Variants in LRRC36 observed in about 807,000 individuals in gnomAD.
LRRC36 encodes leucine-rich repeat-containing protein 36.
In LRRC36, 62 loss-of-function variants were observed where a neutral mutation model predicts 81.1. The observed-to-expected ratio is 0.76, with a 90% CI of 0.62 to 0.94. The LOEUF is 0.94. Among genes scored for constraint, LRRC36 ranks in the 40% least tolerant of loss-of-function variants. LRRC36 has a pLI of 0.00. For missense variants in LRRC36, 761 were observed against 881.7 expected, an observed-to-expected ratio of 0.86 and a Z score of 1.73; for synonymous variants, 334 against 348.6, an observed-to-expected ratio of 0.96 and a Z score of 0.47.
At position 67,367,289 on chromosome 16, in the gene LRRC36, C is replaced by T; in HGVS notation, c.1027C>T (p.Leu343=). Residue 343 remains leucine (L), a synonymous_variant, in exon 8 of 14, where the codon CTG becomes TTG. Transcript: ENST00000329956. The part of the protein sequence containing the change: ...YDSCYSQTLS[L]HGSLGKRPQR... ...CAGTTGTTATTCTCAAACTCTATCCCTGCATGGAAGTCTTGGTAAAAGGCC... is the reference window on the plus strand; with the variant it reads ...CAGTTGTTATTCTCAAACTCTATCCTTGCATGGAAGTCTTGGTAAAAGGCC... 1.9e-6 allele frequency: 3 copies of T among 1,614,154 alleles called. No individual in the cohort carries two copies. The highest frequency in any genetic ancestry group is 1.7e-6 in the Non-Finnish European group (2 of 1,180,036).
In LRRC36 at chr16:67,367,122, C is replaced by T. The variant is rs888645576; in HGVS notation, c.860C>T (p.Ser287Phe). 6.2e-7 allele frequency: 1 copy of T among 1,614,106 alleles called. No individual in the cohort carries two copies. ...TTGGACAATAAGTCTTCAGGTTCTT[C>T]TCCAGAAAAGGAATTGATACCAAAA... ...SFLDNKSSGS[S>F]PEKELIPKPD... The change falls in exon 8 of 14, where the codon TCT becomes TTT. Residue 287 changes from serine (S) to phenylalanine (F), a missense_variant. This residue lies in a region of LRRC36 where 139 missense variants were observed against 214.0 expected (regional missense o/e 0.65). Transcript: ENST00000329956.
chr16:67,374,861 G>T (rs2039817568), intron 9 of LRRC36, among the ~76,000 whole-genome samples: 1 of 152,020 alleles, frequency 6.6e-6, no homozygotes, highest in South Asian at 2.1e-4. Flanking sequence ...GCCAGGCACA[G>T]TGGCTCACAC....
intron 13 of LRRC36, among the ~76,000 whole-genome samples, chr16:67,383,700 T>G (rs1038578212): frequency 5.9e-5 from 9 of 152,256 alleles, no homozygotes; most frequent in Admixed American, 6.5e-5. Context: ...TAGGGAATTT[T>G]AAAAATAATT....
chr16:67,363,498 G>A, intron 5 of LRRC36, 92 bp from the exon 6 acceptor site: 1 of 1,333,182 alleles, frequency 7.5e-7, no homozygotes. Context: ...ACTCAATCTT[G>A]TGACTTTCCT....
chr16:67,338,224 C>T (rs910963615), intron 1 of LRRC36, among the ~76,000 whole-genome samples: 1 of 151,844 alleles, frequency 6.6e-6, no homozygotes, highest in Non-Finnish European at 1.5e-5. Context: ...ATAACATAGA[C>T]ATTATGTTAA....
intron 5 of LRRC36, among the ~76,000 whole-genome samples, chr16:67,352,739 G>A (rs926424075): frequency 1.4e-4 from 21 of 151,250 alleles, no homozygotes; most frequent in Admixed American, 9.9e-4. Context: ...GTGCAGTGGT[G>A]CAAACTCAGC....
In LRRC36 at chr16:67,376,738, G is replaced by C. The variant is rs2039910677; in HGVS notation, c.1672G>C (p.Asp558His). The change falls in exon 11 of 14, where the codon GAT becomes CAT. Residue 558 changes from aspartate (D) to histidine (H), a missense_variant. Physicochemically the swap from Asp to His is moderately conservative, Grantham distance 81. Transcript: ENST00000329956. ...TGAATTTTTGGCAGGTCCTGCCCGA[G>C]ATTTGCTTCTGTCTTTGGTAGTCCC... ...LNKKFLGPARDLLLSLVVPAP... is the reference protein window; with the variant it reads ...LNKKFLGPARHLLLSLVVPAP... 6.2e-7 allele frequency: 1 copy of C among 1,611,952 alleles called. No homozygotes were observed. The highest frequency in any genetic ancestry group is 8.5e-7 in the Non-Finnish European group (1 of 1,178,294).
rs1395816186 is a variant in LRRC36 at position 67,341,447 on chromosome 16, C to T, written c.71-510C>T. Among the ~76,000 whole-genome samples the T allele has an allele frequency of 3.3e-5, 5 of 151,498 alleles. No homozygotes were observed. In the Admixed American group the frequency reaches 3.3e-4, roughly 10 times the overall value. On this transcript the variant is annotated intron_variant, in intron 1 of 13. Transcript: ENST00000329956. ...ACTGATGCACAAAGAGGTTAAGTGA[C>T]TTGAACAAGGTCGCAGATGTAGTAT...
At chr16:67,334,753 G>A (rs931338163) in intron 1 of LRRC36, among the ~76,000 whole-genome samples, 1 of 151,974 alleles carries the variant, frequency 6.6e-6, no homozygotes, top group Non-Finnish European at 1.5e-5. Flanking sequence ...GATATTTCAC[G>A]TAGGCTCTTT....
At chr16:67,366,553 C>G (rs2039398367) in intron 7 of LRRC36, among the ~76,000 whole-genome samples, 2 of 152,020 alleles carry the variant, frequency 1.3e-5, no homozygotes, top group Admixed American at 1.3e-4. Flanking sequence ...AGTTGGAGAC[C>G]AGCCTGGCCA....
At chr16:67,340,365 G>C (rs1233286136) in intron 1 of LRRC36, among the ~76,000 whole-genome samples, 1 of 151,720 alleles carries the variant, frequency 6.6e-6, no homozygotes, top group Non-Finnish European at 1.5e-5. Flanking sequence ...ACTGTTAATA[G>C]TCTAGTTGAT....
intron 4 of LRRC36, 43 bp from the exon 5 acceptor site, chr16:67,350,156 CCTT>C: frequency 1.6e-6 from 2 of 1,212,510 alleles, no homozygotes; most frequent in Non-Finnish European, 2.3e-6. Flanking sequence ...ATCTCAGAAG[CCTT>C]TTTTTTTTTT....
chr16:67,372,096 A>ATCTG (rs1439852356), intron 9 of LRRC36: 1 of 152,044 alleles, frequency 6.6e-6, no homozygotes, highest in Non-Finnish European at 1.5e-5. Context: ...GGTGGCTTAC[A>ATCTG]TCTGTAATTC....
intron 11 of LRRC36, among the ~76,000 whole-genome samples, chr16:67,377,176 C>G (rs569737253): frequency 6.6e-6 from 1 of 152,302 alleles, no homozygotes; most frequent in Admixed American, 6.5e-5. Flanking sequence ...TATGGTTTCA[C>G]CCCAGCAAAT....
Position 67,385,078 on chromosome 16 carries a change from C to G in LRRC36, c.2254C>G (p.Pro752Ala), listed in dbSNP as rs578063055. ...GAGCGTCTTGGATGCTGCCCCAGAGCCTGGCTTATAGAGCTAGCATGGAAC... is the reference window on the plus strand; with the variant it reads ...GAGCGTCTTGGATGCTGCCCCAGAGGCTGGCTTATAGAGCTAGCATGGAAC... ...IQSVLDAAPE[P>A]GL The change falls in exon 14 of 14, where the codon CCT becomes GCT. Residue 752 changes from proline to alanine, a missense_variant. Physicochemically the swap from Pro to Ala is conservative, Grantham distance 27 (BLOSUM62 -1). Around this residue, in one of 3 missense-constraint regions of LRRC36, gnomAD observed 359 missense variants for 388.4 expected, o/e 0.92. Coordinates refer to ENST00000329956, the MANE Select transcript of LRRC36 (RefSeq NM_018296.6). 3.1e-6 allele frequency: 5 copies of G among 1,613,546 alleles called. No homozygotes were observed. The South Asian group carries it at 5.5e-5, about 18-fold the overall frequency.
At chr16:67,357,491 T>C (rs1304354172) in intron 5 of LRRC36, among the ~76,000 whole-genome samples, 1 of 152,226 alleles carries the variant, frequency 6.6e-6, no homozygotes, top group East Asian at 1.9e-4. Flanking sequence ...GGGTACAATA[T>C]GTTTATTTGA....
intron 2 of LRRC36, among the ~76,000 whole-genome samples, chr16:67,342,716 A>G (rs995510112): frequency 1.3e-5 from 2 of 152,204 alleles, no homozygotes; most frequent in Non-Finnish European, 2.9e-5. Context: ...TCTTTGTGGT[A>G]GACCCCCAAA....
intron 10 of LRRC36, 85 bp from the exon 11 acceptor site, chr16:67,376,642 T>C: frequency 7.3e-7 from 1 of 1,379,032 alleles, no homozygotes; most frequent in Non-Finnish European, 1.0e-6. Flanking sequence ...GCCTATTTGA[T>C]CCAGAGAGCT....
intron 2 of LRRC36, among the ~76,000 whole-genome samples, chr16:67,343,465 G>A (rs1310424762): frequency 1.3e-5 from 2 of 152,078 alleles, no homozygotes; most frequent in African/African-American, 2.4e-5. Flanking sequence ...GGGAGGCCAA[G>A]GTGGGTGGAT....
Sources: gnomAD v4.1 joint callset for allele counts (sites outside exome capture counted in the v4.1 genomes callset) on GRCh38, gnomAD v4.1.1 for gene constraint, gnomAD v4.1.1 regional missense constraint, MANE v1.5 for transcripts, NCBI Gene and HGNC (gene_info 2026-07-23, HGNC 2026-07-21) for gene names.